ZSWIM4: variants seen among roughly 807,000 people sequenced by gnomAD.
ZSWIM4 encodes the protein zinc finger SWIM domain-containing protein 4.
A neutral mutation model predicts 102.5 loss-of-function variants in ZSWIM4; 62 were observed. The observed-to-expected ratio is 0.60, with a 90% CI of 0.49 to 0.75. The LOEUF is 0.75. ZSWIM4 is among the 30% of genes least tolerant of loss of function. The probability of loss-of-function intolerance (pLI) is 0.00; values close to 1 mark genes in which losing one functional copy is unlikely to be tolerated. For missense variants in ZSWIM4, 1,280 were observed against 1,529.6 expected, an observed-to-expected ratio of 0.84 and a Z score of 2.72; for synonymous variants, 652 against 674.5, an observed-to-expected ratio of 0.97 and a Z score of 0.52.
rs1338402788 is a variant in ZSWIM4, at chr19:13,799,701, C to A, written c.154-19C>A. ...ATTACATCAACCCCAGGCTCCTAAC[C>A]CACTGGCCCTTCCTACAGGTGGAGG... On this transcript the variant is annotated intron_variant, in intron 1 of 13. Coordinates refer to ENST00000590508, the MANE Select transcript of ZSWIM4 (RefSeq NM_001367834.3). 10 of 1,613,184 alleles carry A rather than the reference C, an allele frequency of 6.2e-6. No individual in the cohort carries two copies. The South Asian group carries it at 1.1e-4, about 18-fold the overall frequency.
In ZSWIM4 at chr19:13,819,477, C is replaced by T. The variant is rs1175403044; in HGVS notation, c.2045C>T (p.Ala682Val). ...PHDPDLAYRL[A>V]LRAMRLPILE... ...GACCCGGACCTGGCCTATCGCCTCG[C>T]GCTGCGAGCTATGAGGTGAGGATAG... The change falls in exon 10 of 14, where the codon GCG becomes GTG. Residue 682 changes from alanine (A) to valine (V), a missense_variant. Transcript: ENST00000590508. 15 of 1,602,212 alleles carry T rather than the reference C, an allele frequency of 9.4e-6. No homozygotes were observed. The highest frequency in any genetic ancestry group is 2.7e-5 in the African/African-American group (2 of 74,662).
At chr19:13,817,654 G>T (rs985588438) in intron 8 of ZSWIM4, 68 bp from the exon 9 acceptor site, 38 of 1,567,036 alleles carry the variant, frequency 2.4e-5, no homozygotes, top group Non-Finnish European at 2.9e-5. Context: ...CCATGCTTGA[G>T]GCCAAGGGCT....
rs1975314590 is a variant in ZSWIM4 at position 13,817,235 on chromosome 19, C to G, written c.1551C>G (p.Ser517=). ...QQKKELLQKG[S]TCITNTEGWV... is the part of the protein sequence containing the mutation. Reference sequence around the variant, plus strand: ...CTGCAGAGCTGCTCCAGAAGGGCTCCACCTGCATCACCAACACCGAAGGAT... The same window carrying G: ...CTGCAGAGCTGCTCCAGAAGGGCTCGACCTGCATCACCAACACCGAAGGAT... The change falls in exon 8 of 14, where the codon TCC becomes TCG. Residue 517 remains serine, a synonymous_variant. Coordinates refer to ENST00000590508, the MANE Select transcript of ZSWIM4 (RefSeq NM_001367834.3). The G allele has an allele frequency of 6.2e-7, 1 of 1,613,522 alleles. No homozygotes were observed. Among genetic ancestry groups the G allele is most frequent in the South Asian group, 1.1e-5 (1 of 91,014 alleles).
chr19:13,797,864 G>A (rs967659991), intron 1 of ZSWIM4, among the ~76,000 whole-genome samples: 1 of 152,142 alleles, frequency 6.6e-6, no homozygotes, highest in Non-Finnish European at 1.5e-5. Flanking sequence ...TGTTGGCCAG[G>A]CTGGTTTCAA....
At chr19:13,818,970 C>T (rs1372354925) in intron 9 of ZSWIM4, among the ~76,000 whole-genome samples, 1 of 151,836 alleles carries the variant, frequency 6.6e-6, no homozygotes, top group Non-Finnish European at 1.5e-5. Context: ...TCACGCCATT[C>T]TCCTGCCTCA....
chr19:13,808,795 T>TCCAGCC, intron 3 of ZSWIM4, 41 bp from the exon 4 acceptor site: 1 of 1,121,598 alleles, frequency 8.9e-7, no homozygotes, highest in Non-Finnish European at 1.2e-6. Flanking sequence ...CAACCCCAAC[T>TCCAGCC]CCAGCCCCAG....
chr19:13,813,228 AC>A, intron 6 of ZSWIM4, 64 bp downstream of exon 6: 1 of 1,328,278 alleles, frequency 7.5e-7, no homozygotes, highest in Non-Finnish European at 1.0e-6. Context: ...GGCCCCACTT[AC>A]CATCATGGTC....
At chr19:13,818,377 A>T (rs1005637474) in intron 9 of ZSWIM4, among the ~76,000 whole-genome samples, 5 of 152,064 alleles carry the variant, frequency 3.3e-5, no homozygotes, top group Non-Finnish European at 1.5e-5. Flanking sequence ...TCCGTCCCCT[A>T]GCGCTACAGG....
chr19:13,820,484 C>T (rs1568341245), intron 10 of ZSWIM4, among the ~76,000 whole-genome samples: 1 of 152,216 alleles, frequency 6.6e-6, no homozygotes, highest in Non-Finnish European at 1.5e-5. Flanking sequence ...GATCCGCCCA[C>T]CTTGGCTTTC....
chr19:13,799,989 G>A (rs567070463), intron 2 of ZSWIM4, 68 bp downstream of exon 2: 3 of 1,507,168 alleles, frequency 2.0e-6, no homozygotes, highest in Non-Finnish European at 2.7e-6. Context: ...AAATGGGGGA[G>A]TTGGAGGGAG....
intron 3 of ZSWIM4, among the ~76,000 whole-genome samples, chr19:13,806,394 G>C (rs1187481172): frequency 3.3e-5 from 5 of 151,942 alleles, no homozygotes; most frequent in Non-Finnish European, 5.9e-5. Flanking sequence ...GAAGCTGAGT[G>C]TGGTGGCTCA....
rs891846005 is a variant in ZSWIM4, at chr19:13,825,995, G to A, written c.2379+282G>A. ...CCTGGGAATGGGGACTGGATGAATC[G>A]TGTCTCTGGGGATGGGGTCTTCACT... On this transcript the variant is annotated intron_variant, in intron 12 of 13. Transcript: ENST00000590508. This position sits in a 1 kb window ranked among gnomAD's most constrained non-coding sequence, Gnocchi z 4.6. 1.3e-4 allele frequency among the ~76,000 whole-genome samples: 20 copies of A among 152,074 alleles called. No homozygotes were observed. The highest frequency in any genetic ancestry group is 3.4e-3 in the Middle Eastern group (1 of 294).
At chr19:13,817,512 C>T (rs1975326355) in intron 8 of ZSWIM4, among the ~76,000 whole-genome samples, 159 bp downstream of exon 8, 2 of 152,200 alleles carry the variant, frequency 1.3e-5, no homozygotes, top group Non-Finnish European at 2.9e-5. Flanking sequence ...AGCCAATAGG[C>T]TTAGCTTCTC....
Position 13,831,287 on chromosome 19 carries a change from T to A in ZSWIM4, c.*237T>A. 1 of 532,876 alleles carries A rather than the reference T, an allele frequency of 1.9e-6. No individual in the cohort carries two copies. The highest frequency in any genetic ancestry group is 3.2e-6 in the Non-Finnish European group (1 of 312,112). The allele number at this position is 532,876 out of a possible 1,614,324, so 33.0% of individuals were successfully genotyped here. A position where few individuals can be genotyped will look rare whatever the true frequency, so the allele number is the denominator to read the frequency against. The stretch of plus-strand genomic sequence containing the variant: ...CACCCAGAAGCCTGGAAGGGGTGTG[T>A]GCTTGGGCTGCTGGTATGACCCCAC... On this transcript the variant is annotated 3_prime_UTR_variant, in exon 14 of 14. Transcript: ENST00000590508.
At chr19:13,828,575 C>A in intron 12 of ZSWIM4, 70 bp from the exon 13 acceptor site, 2 of 1,422,510 alleles carry the variant, frequency 1.4e-6, no homozygotes, top group Non-Finnish European at 9.9e-7. Context: ...GGTCCTCCAT[C>A]TCCCAACGCC....
intron 2 of ZSWIM4, among the ~76,000 whole-genome samples, chr19:13,802,859 G>A (rs1051745221): frequency 2.0e-5 from 3 of 152,134 alleles, no homozygotes; most frequent in Admixed American, 6.6e-5. Flanking sequence ...GATTACAGGC[G>A]TGACCCACCA....
chr19:13,812,002 G>A (rs184545604), intron 5 of ZSWIM4, among the ~76,000 whole-genome samples: 2 of 152,170 alleles, frequency 1.3e-5, no homozygotes, highest in Admixed American at 1.3e-4. Context: ...TTGAACCCAG[G>A]AGGTGGAGGT....
Position 13,804,814 on chromosome 19 carries a change from C to T in ZSWIM4, c.378C>T (p.Ile126=). 2 of 1,593,786 alleles carry T rather than the reference C, an allele frequency of 1.3e-6. No individual in the cohort carries two copies. Among genetic ancestry groups the T allele is most frequent in the Non-Finnish European group, 8.6e-7 (1 of 1,167,374 alleles). The part of the protein sequence containing the change: ...LQVGFHLSGN[I]REPGSPGEPE... ...TAGGATTCCACCTGAGCGGAAACAT[C>T]CGCGAGCCAGGGAGTCCTGGAGAGC... Residue 126 remains isoleucine (I), a synonymous_variant, in exon 3 of 14, where the codon ATC becomes ATT. Transcript: ENST00000590508.
intron 11 of ZSWIM4, 77 bp downstream of exon 11, chr19:13,823,577 G>A: frequency 2.0e-6 from 3 of 1,493,226 alleles, no homozygotes; most frequent in East Asian, 2.5e-5. Flanking sequence ...TAACTTTCCT[G>A]CCTCCTCTTA....
Sources: gnomAD v4.1 joint callset for allele counts (sites outside exome capture counted in the v4.1 genomes callset) on GRCh38, gnomAD v4.1.1 for gene constraint, Gnocchi (gnomAD v3.1) non-coding constraint, MANE v1.5 for transcripts, NCBI Gene and HGNC (gene_info 2026-07-23, HGNC 2026-07-21) for gene names.